Variants in MACF1 observed in about 807,000 individuals in gnomAD.
The protein encoded by MACF1 is microtubule actin crosslinking factor 1.
In MACF1, 193 loss-of-function variants were observed where a neutral mutation model predicts 854.8. The observed-to-expected ratio is 0.23, with a 90% confidence interval of 0.20 to 0.25. The LOEUF (loss-of-function observed/expected upper bound fraction) is 0.25. Ranked by LOEUF, MACF1 falls within the 10% of genes least tolerant of loss-of-function variation. The pLI is 1.00. For missense variants in MACF1, 7,722 were observed against 8,929.1 expected (o/e 0.86, Z 5.45); for synonymous variants, 3,185 against 3,226.7 (o/e 0.99, Z 0.44).
chr1:39,154,718 G>A (rs954853785), intron 2 of MACF1, among the ~76,000 whole-genome samples: 6 of 146,774 alleles, frequency 4.1e-5, no homozygotes, highest in African/African-American at 1.5e-4. Context: ...AGCAGGGTAA[G>A]GGATTTTTTT....
rs1191751417 is a variant in MACF1 at position 39,232,754 on chromosome 1, T to C, written c.171+1511T>C. Among the ~76,000 whole-genome samples, 80 of 58,434 alleles carry C rather than the reference T, an allele frequency of 1.4e-3. No homozygotes were observed. In the South Asian group the frequency reaches 0.014, roughly 10 times the overall value. 38.3% of individuals were successfully genotyped at this position (58,434 alleles called of 152,430 possible). A position where few individuals can be genotyped will look rare whatever the true frequency, so the allele number is the denominator to read the frequency against. ...ACTCTCATACTCTCTTTGTTTTTTT[T>C]TTTTTTTTTTTTTTGTTTGTTTGTT... On this transcript the variant is annotated intron_variant, in intron 2 of 100. Coordinates refer to ENST00000564288, the MANE Select transcript of MACF1 (RefSeq NM_001394062.1).
intron 2 of MACF1, among the ~76,000 whole-genome samples, chr1:39,235,268 C>T (rs11205804): frequency 0.029 from 4,479 of 152,250 alleles, 47 homozygotes; most frequent in African/African-American, 0.1. Flanking sequence ...CCTTGGGAGG[C>T]CGAGGCTGGT....
rs945001183 is a variant in MACF1 at position 39,388,489 on chromosome 1, G to T, written c.15647G>T (p.Gly5216Val). ...NKQCGKLTER[G>V]KARQEQLELT... ...CAGTGTGGCAAACTGACAGAGAGGG[G>T]GAAAGCTCGTCAGGAACAGCTGGAA... is the stretch of plus-strand genomic sequence containing the variant. The change falls in exon 58 of 101, where the codon GGG becomes GTG. Residue 5216 changes from glycine to valine, a missense_variant. This residue lies in a region of MACF1 where 2,807 missense variants were observed against 3,235.8 expected (regional missense o/e 0.87). Coordinates refer to ENST00000564288, the MANE Select transcript of MACF1 (RefSeq NM_001394062.1). The T allele has an allele frequency of 1.3e-4, 206 of 1,614,010 alleles. No individual in the cohort carries two copies. Among genetic ancestry groups the T allele is most frequent in the Non-Finnish European group, 1.7e-4 (202 of 1,180,028 alleles).
At chr1:39,249,188 A>T (rs1645013802) in intron 2 of MACF1, among the ~76,000 whole-genome samples, 1 of 152,202 alleles carries the variant, frequency 6.6e-6, no homozygotes, top group African/African-American at 2.4e-5. Flanking sequence ...TAATAAGTAA[A>T]CTTCACAAGG....
intron 58 of MACF1, among the ~76,000 whole-genome samples, chr1:39,395,033 G>T (rs145443491): frequency 1.3e-5 from 2 of 152,122 alleles, no homozygotes; most frequent in Non-Finnish European, 1.5e-5. Flanking sequence ...ATCCTAAAAT[G>T]GATTTCTCAA....
chr1:39,300,750 T>G (rs552630904), intron 22 of MACF1, among the ~76,000 whole-genome samples: 61 of 152,256 alleles, frequency 4.0e-4, no homozygotes, highest in African/African-American at 1.4e-3. Context: ...AATATTACCC[T>G]AAGAGCATAA....
At chr1:39,276,926 C>CAA (rs1645448451) in intron 6 of MACF1, among the ~76,000 whole-genome samples, 1 of 152,086 alleles carries the variant, frequency 6.6e-6, no homozygotes, top group South Asian at 2.1e-4. Context: ...CAATCACTAT[C>CAA]ATTTTTTTGT....
intron 2 of MACF1, among the ~76,000 whole-genome samples, chr1:39,110,463 C>T (rs948943187): frequency 8.5e-5 from 13 of 152,108 alleles, no homozygotes; most frequent in African/African-American, 2.7e-4. Context: ...GTCTCAACCC[C>T]CTGGCCTCAA....
chr1:39,430,215 CAT>C (rs1643852751), intron 65 of MACF1, 147 bp downstream of exon 65: 1 of 847,870 alleles, frequency 1.2e-6, no homozygotes, highest in African/African-American at 1.7e-5. Flanking sequence ...GACATAAAGA[CAT>C]ATACGTTACA....
chr1:39,310,738 C>A, intron 25 of MACF1, 93 bp from the exon 26 acceptor site: 1 of 1,242,392 alleles, frequency 8.0e-7, no homozygotes, highest in Non-Finnish European at 1.1e-6. Context: ...GCAGAAGATT[C>A]CCTAAATAAA....
Position 39,283,342 on chromosome 1 carries a change from T to A in MACF1, c.808+41T>A. The A allele has an allele frequency of 6.3e-7, 1 of 1,583,648 alleles. No individual in the cohort carries two copies. The highest frequency in any genetic ancestry group is 8.7e-7 in the Non-Finnish European group (1 of 1,152,274). The stretch of plus-strand genomic sequence containing the variant: ...CTGAACTTGAGTAAGGAACACGTAT[T>A]CAGTATTCCTTCTTCTGGCAAGTTC... On this transcript the variant is annotated intron_variant, in intron 8 of 100. Coordinates refer to ENST00000564288, the MANE Select transcript of MACF1 (RefSeq NM_001394062.1). The surrounding 1 kb of genome is among the most constrained non-coding windows in gnomAD (Gnocchi z 4.5).
chr1:39,241,720 G>A (rs979738270), intron 2 of MACF1, among the ~76,000 whole-genome samples: 3 of 145,694 alleles, frequency 2.1e-5, no homozygotes, highest in African/African-American at 5.0e-5. Flanking sequence ...TTTTGTGTAT[G>A]TATGGCGGGG....
intron 48 of MACF1, 37 bp from the exon 49 acceptor site, chr1:39,361,323 G>A (rs765376120): frequency 6.3e-7 from 1 of 1,586,728 alleles, no homozygotes; most frequent in South Asian, 1.1e-5. Flanking sequence ...CCTGGAATAA[G>A]TGAACCAGGA....
At chr1:39,301,650 C>T (rs1044887969) in intron 22 of MACF1, among the ~76,000 whole-genome samples, 2 of 152,062 alleles carry the variant, frequency 1.3e-5, no homozygotes. Flanking sequence ...TGTTCTCGAT[C>T]TCCTGACCTC....
chr1:39,196,301 G>A (rs1300999523), intron 2 of MACF1, among the ~76,000 whole-genome samples: 1 of 152,150 alleles, frequency 6.6e-6, no homozygotes, highest in Admixed American at 6.5e-5. Context: ...TTACTTTATT[G>A]TATTCAATGA....
At chr1:39,090,633 T>C (rs1641779405) in intron 2 of MACF1, among the ~76,000 whole-genome samples, 1 of 152,358 alleles carries the variant, frequency 6.6e-6, no homozygotes, top group South Asian at 2.1e-4. Flanking sequence ...AGGTATGGAA[T>C]GGCAGTTTGG....
Position 39,350,956 on chromosome 1 carries a change from C to T in MACF1, c.11137C>T (p.Arg3713Cys). ...EQYEALQEET[R>C]VAQKELEEAV... Reference sequence around the variant, plus strand: ...ATATGAGGCGCTCCAGGAAGAGACACGTGTGGCCCAGAAGGAACTGGAGGA... The same window carrying T: ...ATATGAGGCGCTCCAGGAAGAGACATGTGTGGCCCAGAAGGAACTGGAGGA... Residue 3713 changes from arginine to cysteine, a missense_variant, in exon 43 of 101, where the codon CGT becomes TGT. This residue lies in a region of MACF1 where 2,807 missense variants were observed against 3,235.8 expected (regional missense o/e 0.87). Transcript: ENST00000564288. 15 of 1,614,094 alleles carry T rather than the reference C, an allele frequency of 9.3e-6. No homozygotes were observed. Among genetic ancestry groups the T allele is most frequent in the East Asian group, 2.2e-5 (1 of 44,884 alleles).
intron 58 of MACF1, among the ~76,000 whole-genome samples, chr1:39,404,991 G>A (rs937695446): frequency 6.6e-6 from 1 of 152,030 alleles, no homozygotes; most frequent in African/African-American, 2.4e-5. Context: ...CCATGGTTTT[G>A]GTGACCATTA....
At chr1:39,235,290 G>A (rs1252167608) in intron 2 of MACF1, among the ~76,000 whole-genome samples, 4 of 152,246 alleles carry the variant, frequency 2.6e-5, no homozygotes, top group South Asian at 2.1e-4. Flanking sequence ...GATCACTTGC[G>A]GTTAGGGGCT....
Sources: gnomAD v4.1 joint callset for allele counts (sites outside exome capture counted in the v4.1 genomes callset) on GRCh38, gnomAD v4.1.1 for gene constraint, gnomAD v4.1.1 regional missense constraint, Gnocchi (gnomAD v3.1) non-coding constraint, MANE v1.5 for transcripts, NCBI Gene and HGNC (gene_info 2026-07-23, HGNC 2026-07-21) for gene names.